The following ATP11A variants were observed in gnomAD, a reference collection of about 807,000 sequenced individuals.
ATP11A encodes ATPase phospholipid transporting 11A.
In ATP11A, 81 loss-of-function variants were observed where a neutral mutation model predicts 154.4. The ratio of observed to expected loss-of-function variants is 0.52; its 90% confidence interval spans 0.44 to 0.63. ATP11A has a LOEUF of 0.63. Among genes scored for constraint, ATP11A ranks in the 30% least tolerant of loss-of-function variants. ATP11A has a pLI of 0.00. For missense variants in ATP11A, 1,316 were observed against 1,474.3 expected, an observed-to-expected ratio of 0.89 and a Z score of 1.76; for synonymous variants, 623 against 585.9, an observed-to-expected ratio of 1.06 and a Z score of -0.91.
At chr13:112,858,578 T>A in intron 22 of ATP11A, 1 of 284,928 alleles carries the variant, frequency 3.5e-6, no homozygotes. Context: ...CCGAGCAGCG[T>A]GATGAAGTCT....
intron 1 of ATP11A, among the ~76,000 whole-genome samples, chr13:112,703,597 A>G (rs1566353074): frequency 6.6e-6 from 1 of 152,248 alleles, no homozygotes; most frequent in Non-Finnish European, 1.5e-5. Context: ...GACAGAACGT[A>G]ATTACTTAGT....
intron 2 of ATP11A, among the ~76,000 whole-genome samples, chr13:112,797,889 C>G (rs2078042193): frequency 6.6e-6 from 1 of 152,176 alleles, no homozygotes; most frequent in Admixed American, 6.5e-5. Context: ...ATACCACAGA[C>G]TGGGTAATTT....
intron 1 of ATP11A, among the ~76,000 whole-genome samples, chr13:112,724,273 C>T (rs903271452): frequency 6.6e-6 from 1 of 151,710 alleles, no homozygotes; most frequent in Non-Finnish European, 1.5e-5. Context: ...TCCCCCAAGA[C>T]GGCCTGCTTC....
chr13:112,866,242 T>C (rs1300965226), intron 25 of ATP11A, among the ~76,000 whole-genome samples: 1 of 152,116 alleles, frequency 6.6e-6, no homozygotes, highest in Non-Finnish European at 1.5e-5. Flanking sequence ...TTCTCGAAAA[T>C]ATTTTCAAAC....
chr13:112,749,010 A>T (rs2076625470), intron 1 of ATP11A, among the ~76,000 whole-genome samples: 1 of 152,194 alleles, frequency 6.6e-6, no homozygotes, highest in Admixed American at 6.5e-5. Context: ...GCACTGGGTC[A>T]CGGGTGGGCT....
chr13:112,844,639 C>T (rs1225619087), intron 17 of ATP11A, among the ~76,000 whole-genome samples: 5 of 152,168 alleles, frequency 3.3e-5, no homozygotes, highest in African/African-American at 7.2e-5. Flanking sequence ...GAGACTCGGC[C>T]GTGTGGGCCC....
At chr13:112,781,784 C>CA (rs748401969) in intron 1 of ATP11A, among the ~76,000 whole-genome samples, 10,104 of 100,966 alleles carry the variant, frequency 0.1, 668 homozygotes, top group East Asian at 0.27. Flanking sequence ...TTTCACTTTG[C>CA]AAAAAAAAAA....
In ATP11A at chr13:112,814,354, C is replaced by T. The variant is rs542529851; in HGVS notation, c.442-1729C>T. On this transcript the variant is annotated intron_variant, in intron 5 of 29. Transcript: ENST00000375645. ...CTGGGATTACAGGGGTGAGCCACCACGCCTGGCTGATTTTTTTTTTTTCTT... is the reference window on the plus strand; with the variant it reads ...CTGGGATTACAGGGGTGAGCCACCATGCCTGGCTGATTTTTTTTTTTTCTT... Among the ~76,000 whole-genome samples, 559 of 152,080 alleles carry T rather than the reference C, an allele frequency of 3.7e-3. 2 individuals are homozygous for T. The highest frequency in any genetic ancestry group is 6.0e-3 in the Non-Finnish European group (407 of 68,010).
At chr13:112,833,721 A>G (rs1381841849) in intron 14 of ATP11A, among the ~76,000 whole-genome samples, 3 of 152,188 alleles carry the variant, frequency 2.0e-5, no homozygotes, top group African/African-American at 7.2e-5. Flanking sequence ...ATACGTCAAC[A>G]GTATCACCGG....
chr13:112,724,494 C>T (rs1889595522), intron 1 of ATP11A, among the ~76,000 whole-genome samples: 1 of 152,072 alleles, frequency 6.6e-6, no homozygotes, highest in East Asian at 1.9e-4. Flanking sequence ...GTCACGTGGC[C>T]CTCCTCCAGA....
intron 1 of ATP11A, among the ~76,000 whole-genome samples, chr13:112,723,988 G>A (rs908267698): frequency 3.9e-5 from 6 of 152,006 alleles, no homozygotes; most frequent in African/African-American, 9.7e-5. Flanking sequence ...GTCGTGTGGC[G>A]CAGTTGATCT....
rs546263587 is a variant in ATP11A, at chr13:112,753,384, G to T, written c.40-31751G>T. Among the ~76,000 whole-genome samples, 5 of 152,322 alleles carry T rather than the reference G, an allele frequency of 3.3e-5. No homozygotes were observed. In the South Asian group the frequency reaches 6.2e-4, roughly 19 times the overall value. ...AGAAGGGAGATTTCTGAGAAGGGGGGTACGTTTGCGGTTTGCTCTGTCAGT... is the reference window on the plus strand; with the variant it reads ...AGAAGGGAGATTTCTGAGAAGGGGGTTACGTTTGCGGTTTGCTCTGTCAGT... On this transcript the variant is annotated intron_variant, in intron 1 of 29. Transcript: ENST00000375645. The surrounding 1 kb of genome is among the most constrained non-coding windows in gnomAD (Gnocchi z 4.1).
chr13:112,752,402 C>T (rs972535524), intron 1 of ATP11A, among the ~76,000 whole-genome samples: 7 of 152,150 alleles, frequency 4.6e-5, no homozygotes, highest in East Asian at 1.9e-4. Flanking sequence ...CCTGGGTTCC[C>T]GGGGGTGGAG....
intron 1 of ATP11A, among the ~76,000 whole-genome samples, chr13:112,720,135 G>T (rs565690028): frequency 1.3e-5 from 2 of 152,306 alleles, no homozygotes; most frequent in African/African-American, 4.8e-5. Flanking sequence ...AGTGACTGTG[G>T]GCTGGGGAAA....
chr13:112,871,830 C>T (rs767303618), intron 26 of ATP11A, 30 bp downstream of exon 26: 1 of 1,602,738 alleles, frequency 6.2e-7, no homozygotes, highest in African/African-American at 1.3e-5. Flanking sequence ...CGTTCCTCCC[C>T]CAGCCACAGT....
chr13:112,803,219 C>T (rs113343036), intron 2 of ATP11A, among the ~76,000 whole-genome samples: 1,642 of 152,326 alleles, frequency 0.011, 32 homozygotes, highest in African/African-American at 0.037. Flanking sequence ...TTTTAAAAGA[C>T]GCACATGGAT....
At chr13:112,750,701 G>T (rs2076670776) in intron 1 of ATP11A, among the ~76,000 whole-genome samples, 1 of 152,200 alleles carries the variant, frequency 6.6e-6, no homozygotes, top group African/African-American at 2.4e-5. Context: ...GCTCACTAGT[G>T]TTTACTGCAC....
rs1020616510 is a variant in ATP11A, at chr13:112,691,567, C to T, written c.39+1112C>T. ...TCCTGCCACTGTCTTGCACAAGAGG[C>T]TTCATTGTTCCATAGAGGCTGGCGG... On this transcript the variant is annotated intron_variant, in intron 1 of 29. Transcript: ENST00000375645. 3.3e-5 allele frequency among the ~76,000 whole-genome samples: 5 copies of T among 151,000 alleles called. No individual in the cohort carries two copies. The South Asian group carries it at 8.4e-4, about 25-fold the overall frequency.
Position 112,834,577 on chromosome 13 carries a change from T to C in ATP11A, c.1560-12T>C, listed in dbSNP as rs751061320. ...TCTCAGATTCACCCCGAGGTTTCCCTTCTCATTGCAGACTTGGCTTTACCT... is the reference window on the plus strand; with the variant it reads ...TCTCAGATTCACCCCGAGGTTTCCCCTCTCATTGCAGACTTGGCTTTACCT... On this transcript the variant is annotated splice_polypyrimidine_tract_variant and intron_variant, in intron 14 of 29. Coordinates refer to ENST00000375645, the MANE Select transcript of ATP11A (RefSeq NM_015205.3). The C allele has an allele frequency of 1.2e-6, 2 of 1,603,122 alleles. No individual in the cohort carries two copies. Among genetic ancestry groups the C allele is most frequent in the Non-Finnish European group, 1.7e-6 (2 of 1,170,112 alleles).
Sources: allele counts gnomAD v4.1 joint callset (sites outside exome capture counted in the v4.1 genomes callset), GRCh38; gene constraint gnomAD v4.1.1; non-coding constraint Gnocchi (gnomAD v3.1); transcripts MANE v1.5; gene names NCBI Gene and HGNC (gene_info 2026-07-23, HGNC 2026-07-21).